The following KIAA1671 variants were observed in gnomAD, a reference collection of about 807,000 sequenced individuals.
KIAA1671 encodes the protein KIAA1671.
Under a neutral mutation model 131.2 loss-of-function variants are expected in KIAA1671, and 52 were observed. The observed-to-expected ratio is 0.40, with a 90% CI of 0.32 to 0.50. The LOEUF (loss-of-function observed/expected upper bound fraction) is 0.50, where lower values mean the gene tolerates loss of function less well. Among genes scored for constraint, KIAA1671 ranks in the 20% least tolerant of loss-of-function variants. The pLI, the probability that KIAA1671 is intolerant of heterozygous loss-of-function variation, is 0.73. For missense variants in KIAA1671, 2,360 were observed against 2,364.2 expected (o/e 1.00, Z 0.04); for synonymous variants, 1,003 against 961.6 (o/e 1.04, Z -0.80).
chr22:24,962,155 T>TG (rs1197095923), intron 1 of KIAA1671, among the ~76,000 whole-genome samples: 1 of 152,192 alleles, frequency 6.6e-6, no homozygotes, highest in Non-Finnish European at 1.5e-5. Context: ...CAGTGACACC[T>TG]GTAGCCAGTA....
chr22:25,149,092 C>A (rs1363145494), intron 6 of KIAA1671, among the ~76,000 whole-genome samples: 1 of 116,350 alleles, frequency 8.6e-6, no homozygotes, highest in East Asian at 2.2e-4. Context: ...ATTTCCTGAG[C>A]ACCTACTATT....
intron 6 of KIAA1671, chr22:25,060,219 GT>G (rs752233934): frequency 2.6e-5 from 4 of 152,160 alleles, no homozygotes; most frequent in Non-Finnish European, 4.4e-5. Context: ...CTCTTGCTCT[GT>G]TGCCAAGGCT....
chr22:25,106,927 A>G (rs1931035673), intron 6 of KIAA1671, among the ~76,000 whole-genome samples: 1 of 152,202 alleles, frequency 6.6e-6, no homozygotes, highest in Admixed American at 6.5e-5. Context: ...TTATAGCAAA[A>G]TGTTTGTATA....
intron 1 of KIAA1671, among the ~76,000 whole-genome samples, chr22:24,992,731 C>T (rs1243953584): frequency 7.2e-6 from 1 of 139,262 alleles, no homozygotes; most frequent in African/African-American, 2.6e-5. Context: ...AGGAGAATTG[C>T]TTGAACCCGG....
intron 6 of KIAA1671, chr22:25,064,311 T>C (rs910016285): frequency 1.3e-5 from 2 of 148,592 alleles, no homozygotes; most frequent in Admixed American, 6.8e-5. Context: ...TCCACCCACA[T>C]TGGCCTCCCA....
At chr22:25,084,556 C>G (rs1228819430) in intron 6 of KIAA1671, among the ~76,000 whole-genome samples, 1 of 151,400 alleles carries the variant, frequency 6.6e-6, no homozygotes, top group Non-Finnish European at 1.5e-5. Context: ...GGGCAGGGAC[C>G]TGTTGAAGAA....
rs1783309552 is a variant in KIAA1671, at chr22:25,028,845, C to G, written c.846C>G (p.Pro282=). 2 of 1,550,838 alleles carry G rather than the reference C, an allele frequency of 1.3e-6. No homozygotes were observed. The highest frequency in any genetic ancestry group is 2.0e-5 in the Admixed American group (1 of 50,942). ...PEKTWVRKPR[P]LSMDLTARFE... is the part of the protein sequence containing the mutation. ...AGACGTGGGTGAGGAAGCCCAGGCC[C>G]TTGTCCATGGACCTCACGGCCCGGT... Residue 282 remains proline, a synonymous_variant, in exon 3 of 13, where the codon CCC becomes CCG. Coordinates refer to ENST00000358431, the MANE Select transcript of KIAA1671 (RefSeq NM_001145206.2).
rs1277412840 is a variant in KIAA1671 at position 25,029,150 on chromosome 22, G to C, written c.1151G>C (p.Ser384Thr). 2.4e-5 allele frequency: 35 copies of C among 1,456,086 alleles called. No individual in the cohort carries two copies. Among genetic ancestry groups the C allele is most frequent in the Admixed American group, 2.8e-5 (1 of 35,404 alleles). 90.2% of individuals were successfully genotyped at this position (1,456,086 alleles called of 1,614,324 possible). The change falls in exon 3 of 13, where the codon AGT (serine) becomes ACT (threonine). Residue 384 changes from serine to threonine, a missense_variant. This residue lies in a region of KIAA1671 where 1,185 missense variants were observed against 1,126.2 expected (regional missense o/e 1.05). Transcript: ENST00000358431. ...GGGGTCACCCCCAGCAATGACCAGA[G>C]TCCCTGGGAAGAAAAGGCCAAGCTG... ...SSGVTPSNDQ[S>T]PWEEKAKLDP...
At chr22:25,182,043 G>T (rs548078345) in intron 10 of KIAA1671, among the ~76,000 whole-genome samples, 1 of 152,254 alleles carries the variant, frequency 6.6e-6, no homozygotes, top group East Asian at 1.9e-4. Flanking sequence ...GCCGGGCGTG[G>T]TGGCGGGCGC....
chr22:25,140,415 G>T (rs568808813), intron 6 of KIAA1671, among the ~76,000 whole-genome samples: 59 of 149,534 alleles, frequency 3.9e-4, no homozygotes, highest in African/African-American at 1.5e-3. Context: ...TCGCTCTTTC[G>T]CCCAGGCCGG....
intron 11 of KIAA1671, among the ~76,000 whole-genome samples, chr22:25,186,758 A>C (rs1245751492): frequency 6.6e-6 from 1 of 152,274 alleles, no homozygotes; most frequent in African/African-American, 2.4e-5. Context: ...AGCCTCAGGC[A>C]GTGTAAAATA....
In KIAA1671 at chr22:25,039,603, G is replaced by A. The variant is rs1317361318; in HGVS notation, c.2473G>A (p.Gly825Arg). The change falls in exon 5 of 13, where the codon GGG becomes AGG. Residue 825 changes from glycine (G) to arginine (R), a missense_variant. Gly to Arg is a moderately radical substitution (Grantham distance 125). Transcript: ENST00000358431. ...GNCPFPKWTG[G>R]AVVSSHKATV... ...TTGCCCGTTTCCCAAATGGACAGGC[G>A]GGGCAGTGGTGAGCTCGCACAAAGC... 1.0e-5 allele frequency: 16 copies of A among 1,551,376 alleles called. No homozygotes were observed. The highest frequency in any genetic ancestry group is 1.3e-5 in the Non-Finnish European group (15 of 1,146,832).
At chr22:25,157,327 T>C (rs1933276410) in intron 6 of KIAA1671, among the ~76,000 whole-genome samples, 1 of 152,192 alleles carries the variant, frequency 6.6e-6, no homozygotes, top group South Asian at 2.1e-4. Flanking sequence ...TCTGTGCGTT[T>C]TGGTCTTTAC....
intron 4 of KIAA1671, among the ~76,000 whole-genome samples, chr22:25,033,235 A>C (rs1926387630): frequency 6.6e-6 from 1 of 151,936 alleles, no homozygotes; most frequent in Non-Finnish European, 1.5e-5. Flanking sequence ...AGAAAAAAAA[A>C]ATTTTTTTTA....
intron 6 of KIAA1671, among the ~76,000 whole-genome samples, chr22:25,074,891 T>C (rs571101754): frequency 7.9e-5 from 12 of 152,070 alleles, no homozygotes; most frequent in Non-Finnish European, 1.3e-4. Flanking sequence ...TTTGGGTATA[T>C]GCCCAGAAGA....
intron 6 of KIAA1671, among the ~76,000 whole-genome samples, chr22:25,127,488 C>T (rs575382791): frequency 6.6e-6 from 1 of 152,130 alleles, no homozygotes; most frequent in Admixed American, 6.5e-5. Flanking sequence ...GAGCCAGCAG[C>T]CCCATCCTCT....
chr22:25,094,369 C>T (rs2145885939), intron 6 of KIAA1671, among the ~76,000 whole-genome samples: 1 of 152,108 alleles, frequency 6.6e-6, no homozygotes, highest in South Asian at 2.1e-4. Flanking sequence ...GGGATGGAGA[C>T]CTGAAGGGCC....
At chr22:24,958,710 C>T (rs1921853043) in intron 1 of KIAA1671, among the ~76,000 whole-genome samples, 1 of 150,832 alleles carries the variant, frequency 6.6e-6, no homozygotes, top group Non-Finnish European at 1.5e-5. Flanking sequence ...GTGGCTCACA[C>T]CTGTAATTCC....
chr22:25,142,828 C>T (rs1329525895), intron 6 of KIAA1671, among the ~76,000 whole-genome samples: 1 of 152,142 alleles, frequency 6.6e-6, no homozygotes, highest in Non-Finnish European at 1.5e-5. Flanking sequence ...AATCTCATGC[C>T]ACTGCCTGGG....
Sources: allele counts gnomAD v4.1 joint callset (sites outside exome capture counted in the v4.1 genomes callset), GRCh38; gene constraint gnomAD v4.1.1; regional missense constraint gnomAD v4.1.1; transcripts MANE v1.5; gene names NCBI Gene and HGNC (gene_info 2026-07-23, HGNC 2026-07-21).